Variants in SIPA1L2 observed in about 807,000 individuals in gnomAD.
SIPA1L2 encodes signal-induced proliferation-associated 1-like protein 2.
SIPA1L2 carries 56 observed loss-of-function variants against 163.9 expected under a neutral mutation model. The ratio of observed to expected loss-of-function variants is 0.34; its 90% CI spans 0.28 to 0.43. The LOEUF (loss-of-function observed/expected upper bound fraction) is 0.43. Ranked by LOEUF, SIPA1L2 falls within the 20% of genes least tolerant of loss-of-function variation. The pLI, the probability that SIPA1L2 is intolerant of heterozygous loss-of-function variation, is 1.00. For missense variants in SIPA1L2, 1,974 were observed against 2,193.5 expected (o/e 0.90, Z 2.00); for synonymous variants, 877 against 865.7 (o/e 1.01, Z -0.23).
intron 21 of SIPA1L2, 60 bp from the exon 22 acceptor site, chr1:232,402,533 T>C: frequency 2.0e-6 from 3 of 1,478,782 alleles, no homozygotes; most frequent in African/African-American, 1.4e-5. Context: ...TTTTTGTTGG[T>C]CAAGTTTTCA....
intron 10 of SIPA1L2, among the ~76,000 whole-genome samples, chr1:232,446,021 G>A (rs968480140): frequency 4.6e-5 from 7 of 152,116 alleles, no homozygotes; most frequent in African/African-American, 7.2e-5. Context: ...TGAGAAAGGC[G>A]GTTTGTGGCT....
At chr1:232,584,746 T>C (rs17191808) in intron 1 of SIPA1L2, among the ~76,000 whole-genome samples, 8,324 of 152,316 alleles carry the variant, frequency 0.055, 316 homozygotes, top group Non-Finnish European at 0.074. Context: ...AAATCATACT[T>C]AAATGACTAC....
intron 2 of SIPA1L2, among the ~76,000 whole-genome samples, chr1:232,550,716 T>A (rs1658328038): frequency 6.6e-6 from 1 of 152,154 alleles, no homozygotes; most frequent in Admixed American, 6.5e-5. Flanking sequence ...GCAACTCTTC[T>A]CCCCTCGGGA....
chr1:232,568,829 A>T (rs1659554426), intron 2 of SIPA1L2, among the ~76,000 whole-genome samples: 1 of 152,238 alleles, frequency 6.6e-6, no homozygotes, highest in Non-Finnish European at 1.5e-5. Flanking sequence ...TGCCTACAAC[A>T]TGCCAGGCGC....
chr1:232,612,878 C>T (rs1662318551), intron 1 of SIPA1L2, among the ~76,000 whole-genome samples: 2 of 151,114 alleles, frequency 1.3e-5, no homozygotes, highest in Non-Finnish European at 2.9e-5. Context: ...TGGTTTAGTT[C>T]TGTGTCCTCA....
chr1:232,544,882 G>A (rs1456687206), intron 2 of SIPA1L2, among the ~76,000 whole-genome samples: 1 of 152,074 alleles, frequency 6.6e-6, no homozygotes, highest in East Asian at 1.9e-4. Flanking sequence ...TAAAGCAGGG[G>A]GTCACTGTAT....
chr1:232,599,042 A>C (rs1300604658), intron 1 of SIPA1L2, among the ~76,000 whole-genome samples: 1 of 151,952 alleles, frequency 6.6e-6, no homozygotes, highest in Non-Finnish European at 1.5e-5. Context: ...CAGCTGCTTT[A>C]ATGGAGCAAT....
chr1:232,399,121 G>A lies in SIPA1L2; in HGVS notation c.*6C>T, dbSNP rs371878706. 1.0e-3 allele frequency: 1,643 copies of A among 1,614,096 alleles called. 2 individuals are homozygous for A. Among genetic ancestry groups the A allele is most frequent in the Non-Finnish European group, 1.2e-3 (1,380 of 1,180,012 alleles). ...CCCAGTGGTCCCTTGATGAGGTGCG[G>A]ATTGGCTAAGATTTTTTGTCGATGG... On this transcript the variant is annotated 3_prime_UTR_variant, in exon 23 of 23. Coordinates refer to ENST00000674635, the MANE Select transcript of SIPA1L2 (RefSeq NM_020808.5).
intron 3 of SIPA1L2, among the ~76,000 whole-genome samples, chr1:232,505,218 G>A (rs1208571869): frequency 6.6e-6 from 1 of 152,194 alleles, no homozygotes; most frequent in Non-Finnish European, 1.5e-5. Context: ...GAAGAGAGGT[G>A]GAGCCCACTG....
At chr1:232,402,028 AC>A (rs1318589974) in intron 22 of SIPA1L2, among the ~76,000 whole-genome samples, 1 of 152,192 alleles carries the variant, frequency 6.6e-6, no homozygotes, top group Non-Finnish European at 1.5e-5. Context: ...ACTCATAGAG[AC>A]CAGGCTTTCT....
chr1:232,618,733 A>C (rs1221387634), intron 1 of SIPA1L2, among the ~76,000 whole-genome samples: 2 of 152,148 alleles, frequency 1.3e-5, no homozygotes, highest in Non-Finnish European at 2.9e-5. Context: ...CAAGTTATAT[A>C]TTCCTAAGTA....
intron 1 of SIPA1L2, among the ~76,000 whole-genome samples, chr1:232,586,489 C>T (rs768627057): frequency 2.6e-5 from 4 of 152,146 alleles, no homozygotes; most frequent in African/African-American, 9.6e-5. Flanking sequence ...CCTGAGTGTT[C>T]GAGATTCACA....
At chr1:232,510,228 G>GAA (rs1279277553) in intron 3 of SIPA1L2, among the ~76,000 whole-genome samples, 8 of 78,758 alleles carry the variant, frequency 1.0e-4, no homozygotes, top group South Asian at 3.7e-4. Flanking sequence ...TTTTCAATAT[G>GAA]AAAATATATA....
At chr1:232,405,562 G>C (rs1234674015) in intron 19 of SIPA1L2, among the ~76,000 whole-genome samples, 1 of 152,198 alleles carries the variant, frequency 6.6e-6, no homozygotes, top group African/African-American at 2.4e-5. Context: ...GGCTGGGTGG[G>C]GAGGTCTGGG....
At chr1:232,512,198 C>T (rs1667010852) in intron 3 of SIPA1L2, among the ~76,000 whole-genome samples, 1 of 152,088 alleles carries the variant, frequency 6.6e-6, no homozygotes, top group African/African-American at 2.4e-5. Flanking sequence ...ATTAGAATGG[C>T]GATCATTAAA....
intron 2 of SIPA1L2, among the ~76,000 whole-genome samples, chr1:232,523,833 C>A (rs2103066058): frequency 6.6e-6 from 1 of 151,986 alleles, no homozygotes; most frequent in South Asian, 2.1e-4. Flanking sequence ...CGTGTCCCAT[C>A]ACTGTATTCT....
At chr1:232,564,873 G>C (rs990531404) in intron 2 of SIPA1L2, among the ~76,000 whole-genome samples, 2 of 152,020 alleles carry the variant, frequency 1.3e-5, no homozygotes, top group African/African-American at 4.8e-5. Context: ...CATAGGGAGG[G>C]GAATGACACA....
At chr1:232,463,751 T>C (rs1000809395) in intron 9 of SIPA1L2, among the ~76,000 whole-genome samples, 1 of 152,202 alleles carries the variant, frequency 6.6e-6, no homozygotes, top group East Asian at 1.9e-4. Context: ...TCAAGTCAAT[T>C]CTCTAGGTAT....
At chr1:232,611,121 G>A (rs1477351949) in intron 1 of SIPA1L2, among the ~76,000 whole-genome samples, 1 of 152,128 alleles carries the variant, frequency 6.6e-6, no homozygotes, top group Admixed American at 6.5e-5. Context: ...CAGGGGTTCC[G>A]CTTTTGCATC....
Sources: gnomAD v4.1 joint callset for allele counts (sites outside exome capture counted in the v4.1 genomes callset) on GRCh38, gnomAD v4.1.1 for gene constraint, MANE v1.5 for transcripts, NCBI Gene and HGNC (gene_info 2026-07-23, HGNC 2026-07-21) for gene names.